NAA25: variants seen among roughly 807,000 people sequenced by gnomAD.
NAA25 encodes N-alpha-acetyltransferase 25, NatB auxiliary subunit.
NAA25 carries 30 observed loss-of-function variants against 132.5 expected under a neutral mutation model. That is an observed-to-expected ratio of 0.23 (90% CI 0.17 to 0.31). The LOEUF (loss-of-function observed/expected upper bound fraction) is 0.31, where lower values mean the gene tolerates loss of function less well. Ranked by LOEUF, NAA25 falls within the 10% of genes least tolerant of loss-of-function variation. The pLI, the probability that NAA25 is intolerant of heterozygous loss-of-function variation, is 1.00. For missense variants in NAA25, 771 were observed against 1,150.4 expected (o/e 0.67, Z 4.77); for synonymous variants, 359 against 401.9 (o/e 0.89, Z 1.28).
At chr12:112,102,306 G>A (rs921835732) in intron 1 of NAA25, among the ~76,000 whole-genome samples, 3 of 152,006 alleles carry the variant, frequency 2.0e-5, no homozygotes, top group South Asian at 2.1e-4. Context: ...TCAGGAGGTC[G>A]AAGCTGCAGT....
At chr12:112,103,173 G>A (rs1329248389) in intron 1 of NAA25, among the ~76,000 whole-genome samples, 1 of 152,120 alleles carries the variant, frequency 6.6e-6, no homozygotes, top group African/African-American at 2.4e-5. Flanking sequence ...TTTTAGTAGA[G>A]ATGGGGTTTT....
At chr12:112,067,417 T>G (rs1355307406) in intron 11 of NAA25, among the ~76,000 whole-genome samples, 1 of 152,180 alleles carries the variant, frequency 6.6e-6, no homozygotes, top group African/African-American at 2.4e-5. Context: ...TGTTCTATTT[T>G]ATAGAATAAA....
Position 112,043,174 on chromosome 12 carries a change from C to A in NAA25, c.2288G>T (p.Gly763Val). 3 of 1,613,014 alleles carry A rather than the reference C, an allele frequency of 1.9e-6. No individual in the cohort carries two copies. Among genetic ancestry groups the A allele is most frequent in the Non-Finnish European group, 2.5e-6 (3 of 1,179,378 alleles). The part of the protein sequence containing the change: ...FLGPVPTRMG[G>V]FFNSGCSQCQ... ...CTGAGAACAGCCAGAATTAAAGAAT[C>A]CACCCATTCTGGTAGGTACAGGACC... Residue 763 changes from glycine to valine, a missense_variant, in exon 19 of 24, where the codon GGA (glycine) becomes GTA (valine). By Grantham distance (109) the Gly-to-Val change is moderately radical. Coordinates refer to ENST00000261745, the MANE Select transcript of NAA25 (RefSeq NM_024953.4).
At position 112,029,568 on chromosome 12, in the gene NAA25, T is replaced by C; in HGVS notation, c.2882A>G (p.Lys961Arg). The change falls in exon 24 of 24, where the codon AAA becomes AGA. Residue 961 changes from lysine (K) to arginine (R), a missense_variant. Around this residue, in one of 3 missense-constraint regions of NAA25, gnomAD observed 324 missense variants for 400.0 expected, o/e 0.81. Coordinates refer to ENST00000261745, the MANE Select transcript of NAA25 (RefSeq NM_024953.4). ...TTTCTTTGTGGTCTCAAGTCTTTTTTTCAGCAGCTCCCCCATTTCCAGAAG... is the reference window on the plus strand; with the variant it reads ...TTTCTTTGTGGTCTCAAGTCTTTTTCTCAGCAGCTCCCCCATTTCCAGAAG... ...HSLLEMGELL[K>R]KRLETTKKLK... 6.2e-7 allele frequency: 1 copy of C among 1,614,082 alleles called. No homozygotes were observed. The highest frequency in any genetic ancestry group is 8.5e-7 in the Non-Finnish European group (1 of 1,179,984).
chr12:112,056,122 T>A (rs1328369240), intron 13 of NAA25, among the ~76,000 whole-genome samples: 2 of 152,028 alleles, frequency 1.3e-5, no homozygotes, highest in Non-Finnish European at 2.9e-5. Context: ...TCACCTCAGG[T>A]CAGGAATTCG....
At position 112,031,576 on chromosome 12, in the gene NAA25, A is replaced by C. The variant is rs148083596; in HGVS notation, c.2796+1657T>G. Among the ~76,000 whole-genome samples, 44 of 152,312 alleles carry C rather than the reference A, an allele frequency of 2.9e-4. 1 individual carries two copies. The highest frequency in any genetic ancestry group is 1.0e-3 in the African/African-American group (42 of 41,572). On this transcript the variant is annotated intron_variant, in intron 23 of 23. Coordinates refer to ENST00000261745, the MANE Select transcript of NAA25 (RefSeq NM_024953.4). ...CTTGAAAAATCCAGAGAGTATGGCC[A>C]AGTTAAGGATAACCTCTAGAACTCT... is the stretch of plus-strand genomic sequence containing the variant.
At position 112,107,938 on chromosome 12, in the gene NAA25, G is replaced by A. The variant is rs566416042; in HGVS notation, c.58+778C>T. ...TGACATCAAGGTCTTCAAGTCTGCG[G>A]GTTGAGGTAAGAGTTGTGGAGAGGG... On this transcript the variant is annotated intron_variant, in intron 1 of 23. Coordinates refer to ENST00000261745, the MANE Select transcript of NAA25 (RefSeq NM_024953.4). 5.9e-5 allele frequency among the ~76,000 whole-genome samples: 9 copies of A among 152,320 alleles called. No homozygotes were observed. The East Asian group carries it at 1.5e-3, about 26-fold the overall frequency.
At chr12:112,091,291 G>A (rs1289093479) in intron 2 of NAA25, among the ~76,000 whole-genome samples, 1 of 151,206 alleles carries the variant, frequency 6.6e-6, no homozygotes, top group Non-Finnish European at 1.5e-5. Flanking sequence ...GTGCACTCAT[G>A]CGTATAACAC....
intron 1 of NAA25, among the ~76,000 whole-genome samples, chr12:112,107,582 C>A (rs1386466944): frequency 6.6e-6 from 1 of 151,306 alleles, no homozygotes; most frequent in African/African-American, 2.4e-5. Context: ...AAAAAAAAAT[C>A]ACACAAATTA....
At position 112,105,871 on chromosome 12, in the gene NAA25, A is replaced by C. The variant is rs1459934057; in HGVS notation, c.58+2845T>G. ...TTGATCACAATAATCTTACCTACCT[A>C]ATAGGGCAGTCAGCCCACCAGTAAA... is the stretch of plus-strand genomic sequence containing the variant. On this transcript the variant is annotated intron_variant, in intron 1 of 23. Coordinates refer to ENST00000261745, the MANE Select transcript of NAA25 (RefSeq NM_024953.4). Among the ~76,000 whole-genome samples, 8 of 152,184 alleles carry C rather than the reference A, an allele frequency of 5.3e-5. 1 individual carries two copies. The East Asian group carries it at 1.3e-3, about 26-fold the overall frequency.
At position 112,074,679 on chromosome 12, in the gene NAA25, C is replaced by G; in HGVS notation, c.862G>C (p.Glu288Gln). The G allele has an allele frequency of 6.2e-7, 1 of 1,600,236 alleles. No homozygotes were observed. The highest frequency in any genetic ancestry group is 8.5e-7 in the Non-Finnish European group (1 of 1,172,796). The change falls in exon 9 of 24, where the codon GAA (glutamate) becomes CAA (glutamine). Residue 288 changes from glutamate to glutamine, a missense_variant. Glu to Gln is a conservative substitution (Grantham distance 29). Transcript: ENST00000261745. ...EEAWSPPAEG[E>Q]HSLEGEVHYS... ...TCAGGAAAGAAGACAACTTACTGTTCACCTTCAGCAGGAGGACTCCAGGCC... is the reference window on the plus strand; with the variant it reads ...TCAGGAAAGAAGACAACTTACTGTTGACCTTCAGCAGGAGGACTCCAGGCC...
intron 15 of NAA25, 76 bp downstream of exon 15, chr12:112,053,482 G>A (rs1273857692): frequency 5.7e-6 from 6 of 1,054,544 alleles, no homozygotes; most frequent in Non-Finnish European, 8.6e-6. Flanking sequence ...GTGTACTTGT[G>A]ACATGTGGTG....
intron 17 of NAA25, among the ~76,000 whole-genome samples, chr12:112,044,621 G>T (rs1477925623): frequency 6.6e-6 from 1 of 152,020 alleles, no homozygotes; most frequent in Non-Finnish European, 1.5e-5. Context: ...AGTGAGCCAA[G>T]ATTGCACCAC....
chr12:112,100,527 C>G (rs929895737), intron 1 of NAA25, among the ~76,000 whole-genome samples: 1 of 151,906 alleles, frequency 6.6e-6, no homozygotes, highest in African/African-American at 2.4e-5. Context: ...TTTACATGCA[C>G]ACCTTATCAC....
intron 13 of NAA25, among the ~76,000 whole-genome samples, chr12:112,059,075 C>CAAAAAAAAAAAAAAAAAAA (rs530305102): frequency 1.6e-5 from 1 of 63,236 alleles, no homozygotes; most frequent in African/African-American, 4.4e-5. Flanking sequence ...CTCCATCTCA[C>CAAAAAAAAAAAAAAAAAAA]AAAAAAAAAA....
At chr12:112,061,802 A>T (rs1185776122) in intron 11 of NAA25, among the ~76,000 whole-genome samples, 3 of 152,232 alleles carry the variant, frequency 2.0e-5, no homozygotes, top group Non-Finnish European at 4.4e-5. Flanking sequence ...TATGCTGATA[A>T]ATTCTGAAAG....
At chr12:112,082,172 C>T (rs183753083) in intron 4 of NAA25, among the ~76,000 whole-genome samples, 1 of 152,148 alleles carries the variant, frequency 6.6e-6, no homozygotes, top group Non-Finnish European at 1.5e-5. Context: ...CGCTTGAACC[C>T]GGGAGGCAGA....
chr12:112,107,071 C>CTAACATGG (rs1456216735), intron 1 of NAA25, among the ~76,000 whole-genome samples: 1 of 150,558 alleles, frequency 6.6e-6, no homozygotes, highest in Non-Finnish European at 1.5e-5. Context: ...TCCAGCCTGG[C>CTAACATGG]TAACATGGTA....
intron 17 of NAA25, among the ~76,000 whole-genome samples, chr12:112,044,685 A>G (rs1470901213): frequency 6.6e-6 from 1 of 151,710 alleles, no homozygotes; most frequent in African/African-American, 2.4e-5. Flanking sequence ...AAAACAAAAC[A>G]AAACAAAACA....
Sources: allele counts gnomAD v4.1 joint callset (sites outside exome capture counted in the v4.1 genomes callset), GRCh38; gene constraint gnomAD v4.1.1; regional missense constraint gnomAD v4.1.1; transcripts MANE v1.5; gene names NCBI Gene and HGNC (gene_info 2026-07-23, HGNC 2026-07-21).